TEF: variants seen among roughly 807,000 people sequenced by gnomAD.
The protein encoded by TEF is thyrotroph embryonic factor.
A neutral mutation model predicts 20.8 loss-of-function variants in TEF; 3 were observed. That is an observed-to-expected ratio of 0.14 (90% CI 0.07 to 0.37). The LOEUF (loss-of-function observed/expected upper bound fraction) is 0.37. TEF is among the 10% of genes least tolerant of loss of function. The pLI is 1.00. For synonymous variants in TEF, 180 were observed against 171.1 expected (o/e 1.05, Z -0.41); for missense variants, 296 against 397.9 (o/e 0.74, Z 2.18).
At chr22:41,391,321 ATCT>A (rs986855026) in intron 2 of TEF, among the ~76,000 whole-genome samples, 5 of 146,788 alleles carry the variant, frequency 3.4e-5, no homozygotes, top group African/African-American at 9.8e-5. Context: ...GCATTGCAGG[ATCT>A]TCTTTTCTTT....
At chr22:41,368,881 C>T (rs919905413) in intron 1 of TEF, among the ~76,000 whole-genome samples, 1 of 152,222 alleles carries the variant, frequency 6.6e-6, no homozygotes, top group Non-Finnish European at 1.5e-5. Context: ...CCCTCTGCAA[C>T]TCAGCCGGAG....
At chr22:41,389,139 G>A (rs1352027918) in intron 2 of TEF, among the ~76,000 whole-genome samples, 4 of 152,118 alleles carry the variant, frequency 2.6e-5, no homozygotes, top group Admixed American at 6.6e-5. Flanking sequence ...AGTGGCTCAC[G>A]TCTGTAATCC....
chr22:41,381,615 G>T (rs1217367567), upstream of TEF, among the ~76,000 whole-genome samples: 1 of 152,214 alleles, frequency 6.6e-6, no homozygotes, highest in Non-Finnish European at 1.5e-5. Flanking sequence ...TGAAGAGGGC[G>T]GTGAAGGGGG....
At chr22:41,371,390 T>A in intron 1 of TEF, among the ~76,000 whole-genome samples, 1 of 152,174 alleles carries the variant, frequency 6.6e-6, no homozygotes, top group Admixed American at 6.5e-5. Flanking sequence ...TGATCTAGAA[T>A]CCTTTCTAGG....
intron 3 of TEF, among the ~76,000 whole-genome samples, chr22:41,395,470 A>G (rs2037215949): frequency 6.6e-6 from 1 of 152,154 alleles, no homozygotes. Flanking sequence ...GGACAGTGCA[A>G]TGCTTTGTGC....
chr22:41,396,672 A>G lies in TEF; in HGVS notation c.*712A>G, dbSNP rs2037233157. On this transcript the variant is annotated 3_prime_UTR_variant, in exon 4 of 4. Coordinates refer to ENST00000266304, the MANE Select transcript of TEF (RefSeq NM_003216.4). ...GCATTTCATTGGCTGTGGAGGAGAG[A>G]CTCCTAGGATGGCTGCTGTCTGAGC... 1 of 343,806 alleles carries G rather than the reference A, an allele frequency of 2.9e-6. No homozygotes were observed. Among genetic ancestry groups the G allele is most frequent in the Non-Finnish European group, 5.2e-6 (1 of 192,156 alleles). The allele number at this position is 343,806 out of a possible 1,614,324, so 21.3% of individuals were successfully genotyped here. A position where few individuals can be genotyped will look rare whatever the true frequency, so the allele number is the denominator to read the frequency against.
chr22:41,381,254 C>G (rs1313120840), upstream of TEF, among the ~76,000 whole-genome samples: 1 of 152,248 alleles, frequency 6.6e-6, no homozygotes, highest in Non-Finnish European at 1.5e-5. Flanking sequence ...CGTCCCTGCC[C>G]CGCGACCCTG....
At chr22:41,388,037 G>T (rs530717122) in intron 2 of TEF, among the ~76,000 whole-genome samples, 25 of 111,354 alleles carry the variant, frequency 2.2e-4, no homozygotes, top group South Asian at 1.5e-3. Context: ...TCGCTCTGTT[G>T]CCCAGGCTGG....
upstream of TEF, chr22:41,381,853 G>A (rs2037029056): frequency 5.2e-5 from 63 of 1,215,338 alleles, no homozygotes; most frequent in Non-Finnish European, 6.4e-5. Context: ...CGGGGAAGCT[G>A]GCCTGGCCTC....
chr22:41,395,761 C>A lies in TEF; in HGVS notation c.713C>A (p.Thr238Lys). 6.2e-7 allele frequency: 1 copy of A among 1,614,018 alleles called. No individual in the cohort carries two copies. Among genetic ancestry groups the A allele is most frequent in the Non-Finnish European group, 8.5e-7 (1 of 1,179,994 alleles). Residue 238 changes from threonine (T) to lysine (K), a missense_variant, in exon 4 of 4, where the codon ACA (threonine) becomes AAA (lysine). Coordinates refer to ENST00000266304, the MANE Select transcript of TEF (RefSeq NM_003216.4). ...PDEQKDEKYWTRRKKNNVAAK... is the reference protein window; with the variant it reads ...PDEQKDEKYWKRRKKNNVAAK... Reference sequence around the variant, plus strand: ...TCCCCACAGGATGAAAAGTACTGGACAAGACGCAAGAAGAACAACGTGGCA... The same window carrying A: ...TCCCCACAGGATGAAAAGTACTGGAAAAGACGCAAGAAGAACAACGTGGCA...
At chr22:41,372,337 A>C (rs566548020) in intron 1 of TEF, among the ~76,000 whole-genome samples, 5 of 152,140 alleles carry the variant, frequency 3.3e-5, no homozygotes, top group Admixed American at 2.6e-4. Flanking sequence ...CGGCATGTCG[A>C]GGAGTGATCC....
At chr22:41,390,082 G>T (rs1288681783) in intron 2 of TEF, among the ~76,000 whole-genome samples, 1 of 151,930 alleles carries the variant, frequency 6.6e-6, no homozygotes, top group Non-Finnish European at 1.5e-5. Flanking sequence ...GTAGAGATGG[G>T]GTTTTGCCAT....
intron 1 of TEF, among the ~76,000 whole-genome samples, chr22:41,383,407 C>G (rs576775732): frequency 6.6e-6 from 1 of 152,206 alleles, no homozygotes; most frequent in Non-Finnish European, 1.5e-5. Flanking sequence ...ACACATCTGA[C>G]AGTTTCTTGT....
intron 2 of TEF, among the ~76,000 whole-genome samples, chr22:41,392,350 G>T (rs932988581): frequency 6.6e-6 from 1 of 152,070 alleles, no homozygotes; most frequent in Non-Finnish European, 1.5e-5. Context: ...TTCTCTGAGC[G>T]TTAGTTTCTT....
chr22:41,393,964 G>A (rs1343408990), intron 2 of TEF, 132 bp from the exon 3 acceptor site: 1 of 689,388 alleles, frequency 1.5e-6, no homozygotes, highest in Non-Finnish European at 2.5e-6. Flanking sequence ...GGCTGGTACT[G>A]TTGGGGTTTT....
At chr22:41,389,348 C>G (rs1055760055) in intron 2 of TEF, among the ~76,000 whole-genome samples, 1 of 152,086 alleles carries the variant, frequency 6.6e-6, no homozygotes, top group Non-Finnish European at 1.5e-5. Context: ...TTGCAGTGAA[C>G]CGAGATTGCA....
upstream of TEF, among the ~76,000 whole-genome samples, chr22:41,381,221 G>A (rs1266031463): frequency 1.3e-5 from 2 of 152,222 alleles, no homozygotes; most frequent in Non-Finnish European, 2.9e-5. Flanking sequence ...TCGCGTGGGA[G>A]CAGAAGTGCG....
rs201416132 is a variant in TEF at position 41,395,981 on chromosome 22, G to A, written c.*21G>A. ...TGTAACCCGTGCCCCCCGCCCGGGC[G>A]GGGTACTGCCTGCACCTCAGACCTC... is the stretch of plus-strand genomic sequence containing the variant. On this transcript the variant is annotated 3_prime_UTR_variant, in exon 4 of 4. Coordinates refer to ENST00000266304, the MANE Select transcript of TEF (RefSeq NM_003216.4). 1.0e-4 allele frequency: 165 copies of A among 1,602,584 alleles called. 1 individual carries two copies. In the South Asian group the frequency reaches 1.3e-3, roughly 13 times the overall value.
At chr22:41,370,122 T>G (rs971671135) in intron 1 of TEF, 11 of 832,000 alleles carry the variant, frequency 1.3e-5, no homozygotes, top group Non-Finnish European at 1.6e-5. Flanking sequence ...CTTTCCCCCT[T>G]TTTTTTTTTT....
Sources: gnomAD v4.1 joint callset for allele counts (sites outside exome capture counted in the v4.1 genomes callset) on GRCh38, gnomAD v4.1.1 for gene constraint, MANE v1.5 for transcripts, NCBI Gene and HGNC (gene_info 2026-07-23, HGNC 2026-07-21) for gene names.